FAM163A: variants seen among roughly 807,000 people sequenced by gnomAD.
FAM163A encodes the protein protein FAM163A.
In FAM163A, 7 loss-of-function variants were observed where a neutral mutation model predicts 12.0. The ratio of observed to expected loss-of-function variants is 0.58; its 90% CI spans 0.33 to 1.10. The LOEUF (loss-of-function observed/expected upper bound fraction) is 1.10, where lower values mean the gene tolerates loss of function less well. FAM163A is among the 50% of genes least tolerant of loss of function. The probability of loss-of-function intolerance (pLI) is 0.03; values close to 1 mark genes in which losing one functional copy is unlikely to be tolerated. For synonymous variants in FAM163A, 101 were observed against 91.0 expected (o/e 1.11, Z -0.62); for missense variants, 202 against 218.6 (o/e 0.92, Z 0.48).
At chr1:179,755,879 C>T (rs1009920950) in intron 1 of FAM163A, among the ~76,000 whole-genome samples, 5 of 152,120 alleles carry the variant, frequency 3.3e-5, no homozygotes, top group South Asian at 2.1e-4. Flanking sequence ...TTCCCAGGCC[C>T]CTCAGAGGAC....
chr1:179,737,268 AT>A, the FAM163A span, among the ~76,000 whole-genome samples: 2 of 152,366 alleles, frequency 1.3e-5, no homozygotes, highest in African/African-American at 4.8e-5. Context: ...GAGGAAAAAT[AT>A]TGCATAATTC....
intron 1 of FAM163A, among the ~76,000 whole-genome samples, chr1:179,799,961 T>C (rs1334428579): frequency 6.6e-6 from 1 of 152,098 alleles, no homozygotes; most frequent in Non-Finnish European, 1.5e-5. Flanking sequence ...GAGCTTGAGG[T>C]GCTGTGTGAC....
chr1:179,788,717 C>T (rs1463581069), intron 1 of FAM163A, among the ~76,000 whole-genome samples: 1 of 152,096 alleles, frequency 6.6e-6, no homozygotes, highest in Non-Finnish European at 1.5e-5. Context: ...TCTGGTATGG[C>T]ATTATGCAGG....
upstream of FAM163A, among the ~76,000 whole-genome samples, chr1:179,741,221 A>C (rs1391512440): frequency 2.0e-5 from 3 of 152,236 alleles, no homozygotes; most frequent in South Asian, 6.2e-4. Context: ...TATGAAACGA[A>C]GATCACAGTG....
At chr1:179,791,819 C>T (rs190351652) in intron 1 of FAM163A, among the ~76,000 whole-genome samples, 5 of 152,282 alleles carry the variant, frequency 3.3e-5, no homozygotes, top group African/African-American at 4.8e-5. Flanking sequence ...CCAAGCTTGC[C>T]GTCCCACCAA....
At chr1:179,737,521 CA>C in the FAM163A span, among the ~76,000 whole-genome samples, 27 of 150,384 alleles carry the variant, frequency 1.8e-4, no homozygotes, top group Non-Finnish European at 3.6e-4. Context: ...GTTCTTACAA[CA>C]ACGAACGCCC....
At chr1:179,771,538 T>A (rs528883309) in intron 1 of FAM163A, among the ~76,000 whole-genome samples, 4 of 152,234 alleles carry the variant, frequency 2.6e-5, no homozygotes, top group African/African-American at 7.2e-5. Flanking sequence ...ACTGCCCCAT[T>A]TTTTCTTGTA....
chr1:179,792,029 A>G (rs1691582018), intron 1 of FAM163A, among the ~76,000 whole-genome samples: 1 of 152,146 alleles, frequency 6.6e-6, no homozygotes. Flanking sequence ...ATGAACTTTG[A>G]CTCATGGAGA....
At chr1:179,784,542 T>A (rs77932713) in intron 1 of FAM163A, among the ~76,000 whole-genome samples, 1 of 152,176 alleles carries the variant, frequency 6.6e-6, no homozygotes, top group South Asian at 2.1e-4. Context: ...TAACCTTCAA[T>A]AGTCCCTTCC....
intron 1 of FAM163A, among the ~76,000 whole-genome samples, chr1:179,784,372 G>A (rs760866570): frequency 6.6e-6 from 1 of 152,236 alleles, no homozygotes. Context: ...CTTACTGGAT[G>A]TTGGAGAAAA....
chr1:179,736,094 G>GA, the FAM163A span, among the ~76,000 whole-genome samples: 2 of 152,224 alleles, frequency 1.3e-5, no homozygotes, highest in South Asian at 2.1e-4. Flanking sequence ...AAAACGTAGG[G>GA]AAAAATCTTC....
intron 1 of FAM163A, among the ~76,000 whole-genome samples, chr1:179,795,330 C>T (rs1437841180): frequency 6.6e-6 from 1 of 152,174 alleles, no homozygotes; most frequent in African/African-American, 2.4e-5. Flanking sequence ...TTGAATGTGT[C>T]CCCCAAAAGT....
chr1:179,782,318 G>A (rs1689891364), intron 1 of FAM163A, among the ~76,000 whole-genome samples: 1 of 152,094 alleles, frequency 6.6e-6, no homozygotes. Flanking sequence ...CCAATGTAGA[G>A]GGGATGAGAC....
At chr1:179,739,269 C>G (rs1279219309), upstream of FAM163A, among the ~76,000 whole-genome samples, 3 of 151,842 alleles carry the variant, frequency 2.0e-5, no homozygotes, top group East Asian at 5.8e-4. Context: ...AGTTCTTAGT[C>G]TTGACACCAA....
intron 4 of FAM163A, 77 bp from the exon 5 acceptor site, chr1:179,813,702 C>G: frequency 6.5e-7 from 1 of 1,529,808 alleles, no homozygotes; most frequent in Non-Finnish European, 8.9e-7. Flanking sequence ...GGGACAGGGG[C>G]ACCTGTGCAC....
chr1:179,738,070 A>G, the FAM163A span, among the ~76,000 whole-genome samples: 3 of 152,156 alleles, frequency 2.0e-5, no homozygotes, highest in Admixed American at 6.5e-5. Context: ...GGAATCTATA[A>G]AAGTTGGTAT....
At chr1:179,813,666 C>G in intron 4 of FAM163A, 113 bp from the exon 5 acceptor site, 1 of 1,261,838 alleles carries the variant, frequency 7.9e-7, no homozygotes, top group Non-Finnish European at 1.1e-6. Flanking sequence ...GGTTCAGTGC[C>G]TGGCACTAGG....
At chr1:179,788,613 T>C (rs924561283) in intron 1 of FAM163A, among the ~76,000 whole-genome samples, 2 of 152,214 alleles carry the variant, frequency 1.3e-5, no homozygotes, top group Non-Finnish European at 2.9e-5. Context: ...AATTTAAATT[T>C]CTGAGCCTCA....
In FAM163A at chr1:179,815,109, GCACAGACACACACACA is replaced by G. The variant is rs1695206333; in HGVS notation, c.*925_*940del. On this transcript the variant is annotated 3_prime_UTR_variant, in exon 5 of 5. Transcript: ENST00000341785. ...CAGGTGTACGCACGCGCGCGCGCGC[GCACAGACACACACACA>G]CACACACACACACACACACACACAC... The G allele has an allele frequency of 1.5e-5, 1 of 67,236 alleles. No individual in the cohort carries two copies. The highest frequency in any genetic ancestry group is 6.3e-5 in the African/African-American group (1 of 15,782). 4.2% of individuals were successfully genotyped at this position (67,236 alleles called of 1,614,324 possible). A position where few individuals can be genotyped will look rare whatever the true frequency, so the allele number is the denominator to read the frequency against.
Sources: allele counts gnomAD v4.1 joint callset (sites outside exome capture counted in the v4.1 genomes callset), GRCh38; gene constraint gnomAD v4.1.1; transcripts MANE v1.5; gene names NCBI Gene and HGNC (gene_info 2026-07-23, HGNC 2026-07-21).